Variants in APBA1 observed in about 807,000 individuals in gnomAD.
The protein encoded by APBA1 is amyloid beta precursor protein binding family A member 1.
A neutral mutation model predicts 86.6 loss-of-function variants in APBA1; 55 were observed. That is an observed-to-expected ratio of 0.64 (90% CI 0.51 to 0.80). The LOEUF is 0.80. APBA1 is among the 30% of genes least tolerant of loss of function. APBA1 has a pLI of 0.00. For missense variants in APBA1, 1,090 were observed against 1,183.0 expected (o/e 0.92, Z 1.15); for synonymous variants, 511 against 493.9 (o/e 1.03, Z -0.46).
At chr9:69,622,698 A>C (rs550879929) in intron 1 of APBA1, among the ~76,000 whole-genome samples, 1 of 152,278 alleles carries the variant, frequency 6.6e-6, no homozygotes, top group Non-Finnish European at 1.5e-5. Context: ...CACGTCATCT[A>C]TGTCATTGCA....
At chr9:69,468,194 A>C (rs1236961963) in intron 4 of APBA1, among the ~76,000 whole-genome samples, 1 of 152,240 alleles carries the variant, frequency 6.6e-6, no homozygotes, top group Non-Finnish European at 1.5e-5. Flanking sequence ...TTTACTATGG[A>C]AAGTGATGCA....
intron 1 of APBA1, among the ~76,000 whole-genome samples, chr9:69,527,024 C>T (rs1836354053): frequency 6.6e-6 from 1 of 152,012 alleles, no homozygotes; most frequent in Non-Finnish European, 1.5e-5. Context: ...GGGAGCTAAA[C>T]ATTGGGTACT....
intron 1 of APBA1, among the ~76,000 whole-genome samples, chr9:69,632,850 T>G (rs1242576719): frequency 6.6e-6 from 1 of 152,216 alleles, no homozygotes; most frequent in Non-Finnish European, 1.5e-5. Flanking sequence ...AAACGAATGA[T>G]ATTCTGTATC....
At chr9:69,638,589 T>C (rs1823225317) in intron 1 of APBA1, among the ~76,000 whole-genome samples, 1 of 152,214 alleles carries the variant, frequency 6.6e-6, no homozygotes, top group East Asian at 1.9e-4. Flanking sequence ...TCTTCATTTA[T>C]GTGTACAAGA....
intron 1 of APBA1, among the ~76,000 whole-genome samples, chr9:69,612,944 A>C (rs182973084): frequency 6.6e-6 from 1 of 152,100 alleles, no homozygotes; most frequent in Non-Finnish European, 1.5e-5. Flanking sequence ...ATTTTGTATA[A>C]GAAAATGTTG....
At chr9:69,627,255 A>T (rs1041104528) in intron 1 of APBA1, among the ~76,000 whole-genome samples, 1 of 152,086 alleles carries the variant, frequency 6.6e-6, no homozygotes, top group Non-Finnish European at 1.5e-5. Context: ...TGTTGTTGTC[A>T]TCTTATTTGA....
chr9:69,586,520 C>T (rs1174472794), intron 1 of APBA1, among the ~76,000 whole-genome samples: 1 of 152,094 alleles, frequency 6.6e-6, no homozygotes, highest in Non-Finnish European at 1.5e-5. Flanking sequence ...GGCTTTTGGG[C>T]AGGGGATTTT....
At chr9:69,436,426 C>T (rs1834721350) in intron 11 of APBA1, among the ~76,000 whole-genome samples, 1 of 151,978 alleles carries the variant, frequency 6.6e-6, no homozygotes, top group African/African-American at 2.4e-5. Context: ...GAATGTTCTT[C>T]CATTTCTTTG....
chr9:69,586,895 A>C (rs1221263067), intron 1 of APBA1, among the ~76,000 whole-genome samples: 2 of 152,228 alleles, frequency 1.3e-5, no homozygotes, highest in African/African-American at 4.8e-5. Context: ...TTCAGCCTAA[A>C]GTATGATGAA....
intron 2 of APBA1, among the ~76,000 whole-genome samples, chr9:69,512,665 G>T (rs955515566): frequency 6.6e-6 from 1 of 152,140 alleles, no homozygotes; most frequent in African/African-American, 2.4e-5. Flanking sequence ...TGGGGAAAGT[G>T]CCCAGATAAT....
chr9:69,467,738 T>C, intron 5 of APBA1, 85 bp downstream of exon 5: 2 of 1,532,072 alleles, frequency 1.3e-6, no homozygotes, highest in South Asian at 2.3e-5. Flanking sequence ...CTCTAAACTA[T>C]ATGTGGAGTT....
chr9:69,652,991 C>A, intron 1 of APBA1, among the ~76,000 whole-genome samples: 2 of 142,954 alleles, frequency 1.4e-5, no homozygotes, highest in South Asian at 2.4e-4. Flanking sequence ...AGTGAGACTC[C>A]AACTCAGGAA....
intron 5 of APBA1, chr9:69,465,607 C>A (rs1835264884): frequency 6.6e-6 from 1 of 152,184 alleles, no homozygotes; most frequent in South Asian, 2.1e-4. Flanking sequence ...GGGAACTAGG[C>A]CAAGCTTGGA....
rs1432852208 is a variant in APBA1, at chr9:69,516,623, G to A, written c.588C>T (p.His196=). The A allele has an allele frequency of 6.2e-7, 1 of 1,607,416 alleles. No individual in the cohort carries two copies. The highest frequency in any genetic ancestry group is 8.5e-7 in the Non-Finnish European group (1 of 1,179,270). The change falls in exon 2 of 13, where the codon CAC becomes CAT. Residue 196 remains histidine, a synonymous_variant. Transcript: ENST00000265381. The surrounding 1 kb of genome is among the most constrained non-coding windows in gnomAD (Gnocchi z 7.3). ...GCGCGTCCCCTATCTCCTCGTACAC[G>A]TGCTCCTGGAGGCCGCCGTAGTCGG... ...PYADYGGLQE[H]VYEEIGDAPE...
At chr9:69,590,927 C>A (rs193080346) in intron 1 of APBA1, among the ~76,000 whole-genome samples, 1 of 152,192 alleles carries the variant, frequency 6.6e-6, no homozygotes, top group Non-Finnish European at 1.5e-5. Context: ...TAAGAGAAAG[C>A]TAATGGCTTT....
chr9:69,450,891 T>C (rs747941736), intron 9 of APBA1, among the ~76,000 whole-genome samples: 1 of 151,962 alleles, frequency 6.6e-6, no homozygotes, highest in Non-Finnish European at 1.5e-5. Flanking sequence ...AGACACAGCA[T>C]GAAGACAGCC....
chr9:69,587,256 C>G (rs1822040056), intron 1 of APBA1, among the ~76,000 whole-genome samples: 1 of 152,152 alleles, frequency 6.6e-6, no homozygotes, highest in Admixed American at 6.6e-5. Flanking sequence ...CCTTTCATCA[C>G]AGTAATTGGT....
chr9:69,598,461 A>AG (rs1822278427), intron 1 of APBA1, among the ~76,000 whole-genome samples: 1 of 151,988 alleles, frequency 6.6e-6, no homozygotes, highest in African/African-American at 2.4e-5. Context: ...AAAAAAAAAA[A>AG]AGAGAAATCT....
At chr9:69,555,055 A>AAAACT (rs1185487846) in intron 1 of APBA1, among the ~76,000 whole-genome samples, 1 of 152,226 alleles carries the variant, frequency 6.6e-6, no homozygotes, top group Non-Finnish European at 1.5e-5. Context: ...TCAGGCATTC[A>AAAACT]AAACTAAGTG....
Sources: allele counts gnomAD v4.1 joint callset (sites outside exome capture counted in the v4.1 genomes callset), GRCh38; gene constraint gnomAD v4.1.1; non-coding constraint Gnocchi (gnomAD v3.1); transcripts MANE v1.5; gene names NCBI Gene and HGNC (gene_info 2026-07-23, HGNC 2026-07-21).